The following DPP6 variants were observed in gnomAD, a reference collection of about 807,000 sequenced individuals.
The protein encoded by DPP6 is dipeptidyl peptidase like 6.
In DPP6, 69 loss-of-function variants were observed where a neutral mutation model predicts 122.6. The observed-to-expected ratio is 0.56, with a 90% CI of 0.46 to 0.69. DPP6 has a LOEUF of 0.69. Ranked by LOEUF, DPP6 falls within the 30% of genes least tolerant of loss-of-function variation. The pLI, the probability that DPP6 is intolerant of heterozygous loss-of-function variation, is 0.00. For synonymous variants in DPP6, 418 were observed against 433.1 expected (o/e 0.97, Z 0.43); for missense variants, 928 against 1,116.9 (o/e 0.83, Z 2.41).
chr7:153,866,836 A>G, the DPP6 span, among the ~76,000 whole-genome samples: 1 of 152,146 alleles, frequency 6.6e-6, no homozygotes, highest in South Asian at 2.1e-4. Context: ...ATAAGGTGTA[A>G]GGAAGGGATC....
At chr7:153,920,332 C>T (rs946081096) in intron 1 of DPP6, among the ~76,000 whole-genome samples, 2 of 152,162 alleles carry the variant, frequency 1.3e-5, no homozygotes, top group African/African-American at 4.8e-5. Context: ...CGACAAGCAA[C>T]TGGCTTGCTA....
At chr7:153,811,503 T>C in the DPP6 span, among the ~76,000 whole-genome samples, 2 of 152,194 alleles carry the variant, frequency 1.3e-5, no homozygotes, top group African/African-American at 2.4e-5. Flanking sequence ...CACTTCATGA[T>C]CTCCTTTTTG....
At chr7:154,503,194 A>G (rs1825395000) in intron 3 of DPP6, among the ~76,000 whole-genome samples, 1 of 152,214 alleles carries the variant, frequency 6.6e-6, no homozygotes, top group African/African-American at 2.4e-5. Flanking sequence ...GGCCAAATGG[A>G]CAAAGTGACA....
At chr7:154,853,577 G>A (rs1208966019) in intron 16 of DPP6, among the ~76,000 whole-genome samples, 1 of 152,230 alleles carries the variant, frequency 6.6e-6, no homozygotes, top group Non-Finnish European at 1.5e-5. Flanking sequence ...AGTTAACACA[G>A]GTGCAGAGGT....
intron 16 of DPP6, among the ~76,000 whole-genome samples, chr7:154,846,937 A>G (rs768664870): frequency 2.0e-5 from 3 of 151,910 alleles, no homozygotes; most frequent in Admixed American, 1.3e-4. Context: ...TGCATGCTCT[A>G]TAATATTCTG....
intron 3 of DPP6, among the ~76,000 whole-genome samples, chr7:154,493,271 C>A (rs752415697): frequency 2.6e-5 from 4 of 152,146 alleles, no homozygotes; most frequent in African/African-American, 9.7e-5. Flanking sequence ...ATGAATTATA[C>A]GTTGGATAAG....
chr7:154,463,352 C>T (rs796368957), intron 2 of DPP6, among the ~76,000 whole-genome samples: 7 of 151,646 alleles, frequency 4.6e-5, no homozygotes, highest in African/African-American at 7.3e-5. Flanking sequence ...GGACTACAGG[C>T]GCGCGCCACC....
At chr7:154,731,547 T>C (rs1842341310) in intron 8 of DPP6, among the ~76,000 whole-genome samples, 1 of 152,206 alleles carries the variant, frequency 6.6e-6, no homozygotes. Context: ...CAACACTGGC[T>C]GTGAACTCAG....
intron 6 of DPP6, among the ~76,000 whole-genome samples, chr7:154,666,854 G>A (rs1838199325): frequency 6.6e-6 from 1 of 152,180 alleles, no homozygotes; most frequent in Non-Finnish European, 1.5e-5. Context: ...TAGGAGTCTA[G>A]AAGTGGAAGT....
chr7:154,692,460 A>G (rs1248798703), intron 7 of DPP6, among the ~76,000 whole-genome samples: 4 of 152,212 alleles, frequency 2.6e-5, no homozygotes, highest in African/African-American at 9.7e-5. Context: ...GGGAAGGACC[A>G]TGACTTTCCT....
chr7:154,563,815 G>A (rs1830575951), intron 4 of DPP6, among the ~76,000 whole-genome samples: 1 of 152,132 alleles, frequency 6.6e-6, no homozygotes, highest in Non-Finnish European at 1.5e-5. Context: ...GAGGCAGTTG[G>A]CCAGACAAGC....
At chr7:153,914,216 C>T (rs1175583915) in intron 1 of DPP6, among the ~76,000 whole-genome samples, 1 of 152,160 alleles carries the variant, frequency 6.6e-6, no homozygotes, top group Non-Finnish European at 1.5e-5. Context: ...TTCTGTCTTC[C>T]CTGCCACCAT....
Position 154,403,736 on chromosome 7 carries a change from C to T in DPP6, c.244-42478C>T, listed in dbSNP as rs922217721. Among the ~76,000 whole-genome samples, 7 of 152,236 alleles carry T rather than the reference C, an allele frequency of 4.6e-5. No individual in the cohort carries two copies. The highest frequency in any genetic ancestry group is 3.9e-4 in the Admixed American group (6 of 15,286). ...GACAGTCCATTCAGGGGTGCAGGAG[C>T]TGGTAGCTGAGTTCCCCTTCCTGTT... On this transcript the variant is annotated intron_variant, in intron 1 of 25. Coordinates refer to ENST00000377770, the MANE Select transcript of DPP6 (RefSeq NM_130797.4). The surrounding 1 kb of genome is among the most constrained non-coding windows in gnomAD (Gnocchi z 4.1).
At chr7:154,184,955 C>T (rs998907559) in intron 1 of DPP6, among the ~76,000 whole-genome samples, 2 of 152,164 alleles carry the variant, frequency 1.3e-5, no homozygotes, top group Admixed American at 1.3e-4. Flanking sequence ...ATGCATCAAC[C>T]AGCATAGTCT....
intron 1 of DPP6, among the ~76,000 whole-genome samples, chr7:153,991,892 C>T (rs1797195617): frequency 1.3e-5 from 2 of 151,596 alleles, no homozygotes; most frequent in African/African-American, 4.8e-5. Context: ...TAATAAAATA[C>T]CTGAGTCTGG....
chr7:154,170,520 A>G (rs1171245026), intron 1 of DPP6, among the ~76,000 whole-genome samples: 1 of 152,180 alleles, frequency 6.6e-6, no homozygotes, highest in Non-Finnish European at 1.5e-5. Flanking sequence ...CCTCCTGCTC[A>G]TTACAGGGGC....
chr7:154,063,716 G>A (rs1394681193), intron 1 of DPP6, among the ~76,000 whole-genome samples: 1 of 149,454 alleles, frequency 6.7e-6, no homozygotes, highest in Non-Finnish European at 1.5e-5. Context: ...GGGACTGAGA[G>A]CCAGCCCCTC....
intron 6 of DPP6, among the ~76,000 whole-genome samples, chr7:154,649,697 C>T (rs1836745251): frequency 6.6e-6 from 1 of 152,226 alleles, no homozygotes; most frequent in Non-Finnish European, 1.5e-5. Context: ...CACCTGGGGC[C>T]TCATGGGGGA....
At chr7:153,981,280 G>A (rs1796570612) in intron 1 of DPP6, among the ~76,000 whole-genome samples, 1 of 152,154 alleles carries the variant, frequency 6.6e-6, no homozygotes, top group Non-Finnish European at 1.5e-5. Flanking sequence ...TTGTTGCATT[G>A]ATCCCTTTAC....
Sources: allele counts gnomAD v4.1 joint callset (sites outside exome capture counted in the v4.1 genomes callset), GRCh38; gene constraint gnomAD v4.1.1; non-coding constraint Gnocchi (gnomAD v3.1); transcripts MANE v1.5; gene names NCBI Gene and HGNC (gene_info 2026-07-23, HGNC 2026-07-21).